Variants in THSD7B observed in about 807,000 individuals in gnomAD.
THSD7B encodes thrombospondin type-1 domain-containing protein 7B.
A neutral mutation model predicts 213.6 loss-of-function variants in THSD7B; 138 were observed. That is an observed-to-expected ratio of 0.65 (90% CI 0.56 to 0.74). THSD7B has a LOEUF of 0.74. THSD7B is among the 30% of genes least tolerant of loss of function. The probability of loss-of-function intolerance (pLI) is 0.00; values close to 1 mark genes in which losing one functional copy is unlikely to be tolerated. For missense variants in THSD7B, 1,931 were observed against 1,991.5 expected (o/e 0.97, Z 0.58); for synonymous variants, 742 against 687.0 (o/e 1.08, Z -1.25).
chr2:137,246,369 G>A (rs183302932), intron 10 of THSD7B, among the ~76,000 whole-genome samples: 5 of 152,196 alleles, frequency 3.3e-5, no homozygotes, highest in Admixed American at 6.5e-5. Context: ...TGATTTAATA[G>A]GTTTGTGATA....
intron 2 of THSD7B, among the ~76,000 whole-genome samples, chr2:136,933,474 G>A (rs1047752074): frequency 6.6e-6 from 1 of 152,146 alleles, no homozygotes; most frequent in Non-Finnish European, 1.5e-5. Flanking sequence ...AGTTACTCAG[G>A]AGCCTTAGGC....
chr2:137,479,893 G>T (rs910675297), intron 15 of THSD7B, among the ~76,000 whole-genome samples: 1 of 152,118 alleles, frequency 6.6e-6, no homozygotes, highest in African/African-American at 2.4e-5. Context: ...TAACAATGCT[G>T]GTGCACAATC....
intron 12 of THSD7B, among the ~76,000 whole-genome samples, chr2:137,404,009 G>C (rs1686437395): frequency 6.6e-6 from 1 of 152,116 alleles, no homozygotes; most frequent in Non-Finnish European, 1.5e-5. Context: ...TATTCTTTGA[G>C]AGTCTATAAT....
At chr2:137,042,135 G>T (rs1686895064) in intron 2 of THSD7B, among the ~76,000 whole-genome samples, 1 of 152,112 alleles carries the variant, frequency 6.6e-6, no homozygotes, top group Non-Finnish European at 1.5e-5. Context: ...TTTATTCCTT[G>T]TGAACATGTG....
rs560463477 is a variant in THSD7B, at chr2:137,132,519, G to GC, written c.1369+17229dup. Among the ~76,000 whole-genome samples the GC allele has an allele frequency of 7.1e-3, 1,078 of 152,152 alleles. 9 individuals are homozygous for GC. Among genetic ancestry groups the GC allele is most frequent in the Non-Finnish European group, 7.7e-3 (521 of 67,988 alleles). On this transcript the variant is annotated intron_variant, in intron 5 of 27. Coordinates refer to ENST00000409968, the MANE Select transcript of THSD7B (RefSeq NM_001316349.2). ...TACATATTATCAATATATTAACTGT[G>GC]CCCAGTATTAAGTGACTGTCTTTTA...
At chr2:137,311,199 TCTC>T (rs368575334) in intron 12 of THSD7B, among the ~76,000 whole-genome samples, 6,946 of 149,348 alleles carry the variant, frequency 0.047, 137 homozygotes, top group East Asian at 0.086. Context: ...GGTTTGTAGT[TCTC>T]CTTGAAGAGG....
intron 17 of THSD7B, among the ~76,000 whole-genome samples, chr2:137,590,650 G>GT (rs1373069674): frequency 1.3e-5 from 2 of 152,092 alleles, no homozygotes; most frequent in African/African-American, 4.8e-5. Context: ...AGTAGCACAG[G>GT]TTTTTTAGTG....
At chr2:137,313,458 C>T (rs1471416200) in intron 12 of THSD7B, among the ~76,000 whole-genome samples, 1 of 151,632 alleles carries the variant, frequency 6.6e-6, no homozygotes. Flanking sequence ...GACTCTTTAT[C>T]CAATTTGCCA....
At chr2:137,389,402 A>ATTTT (rs70978214) in intron 12 of THSD7B, among the ~76,000 whole-genome samples, 4 of 38,076 alleles carry the variant, frequency 1.1e-4, no homozygotes, top group South Asian at 1.8e-3. Flanking sequence ...TCTTAATGTG[A>ATTTT]TTTTTTTTTT....
chr2:136,995,919 G>C (rs2104820015), intron 2 of THSD7B, among the ~76,000 whole-genome samples: 1 of 152,314 alleles, frequency 6.6e-6, no homozygotes, highest in East Asian at 1.9e-4. Flanking sequence ...ATTGAAGTCA[G>C]AGTTAATAAC....
intron 12 of THSD7B, among the ~76,000 whole-genome samples, chr2:137,312,697 G>A (rs1201347992): frequency 2.1e-5 from 3 of 146,132 alleles, no homozygotes; most frequent in African/African-American, 5.0e-5. Flanking sequence ...AGAGATTCTG[G>A]TATGTTGTGT....
intron 2 of THSD7B, among the ~76,000 whole-genome samples, chr2:136,884,946 A>G (rs1683691140): frequency 6.6e-6 from 1 of 152,324 alleles, no homozygotes; most frequent in Non-Finnish European, 1.5e-5. Context: ...TTATATCCCT[A>G]GAAAAATTCT....
chr2:137,578,021 G>A (rs1217275078), intron 17 of THSD7B, among the ~76,000 whole-genome samples: 3 of 152,152 alleles, frequency 2.0e-5, no homozygotes, highest in Non-Finnish European at 4.4e-5. Flanking sequence ...ATGTTATAAA[G>A]GGCAAAATAT....
chr2:137,109,537 TAG>T lies in THSD7B; in HGVS notation c.1200-5585_1200-5584del, dbSNP rs536015839. Among the ~76,000 whole-genome samples the T allele has an allele frequency of 8.3e-4, 126 of 152,324 alleles. 1 individual carries two copies. Among genetic ancestry groups the T allele is most frequent in the Admixed American group, 9.1e-4 (14 of 15,310 alleles). ...AGCGCTGAGCTTGTTTTCCTGCAAC[TAG>T]ACAGTCCCATCTGGGGGTGGTGATG... On this transcript the variant is annotated intron_variant, in intron 4 of 27. Coordinates refer to ENST00000409968, the MANE Select transcript of THSD7B (RefSeq NM_001316349.2).
intron 12 of THSD7B, among the ~76,000 whole-genome samples, chr2:137,312,271 T>C (rs1162522802): frequency 2.6e-5 from 4 of 152,228 alleles, no homozygotes; most frequent in East Asian, 1.9e-4. Flanking sequence ...CCATTTCTTC[T>C]AGATTTTCTA....
chr2:137,304,627 A>G (rs1683700686), intron 12 of THSD7B, among the ~76,000 whole-genome samples: 2 of 152,068 alleles, frequency 1.3e-5, no homozygotes, highest in South Asian at 2.1e-4. Flanking sequence ...ATCCTTTTGC[A>G]GTTTCTTCAC....
chr2:136,766,707 G>C (rs535258659), intron 1 of THSD7B, among the ~76,000 whole-genome samples: 1 of 152,224 alleles, frequency 6.6e-6, no homozygotes, highest in East Asian at 1.9e-4. Context: ...GAGGTATTGC[G>C]ATTCAATACT....
At chr2:137,585,295 C>T (rs930390003) in intron 17 of THSD7B, among the ~76,000 whole-genome samples, 4 of 152,038 alleles carry the variant, frequency 2.6e-5, no homozygotes, top group South Asian at 2.1e-4. Flanking sequence ...AAACCAGCTC[C>T]TGGATTTATT....
At chr2:137,330,010 C>A (rs1684462489) in intron 12 of THSD7B, among the ~76,000 whole-genome samples, 1 of 152,120 alleles carries the variant, frequency 6.6e-6, no homozygotes, top group Non-Finnish European at 1.5e-5. Flanking sequence ...CTAAAAGGGG[C>A]CAACATAAAG....
Sources: gnomAD v4.1 joint callset for allele counts (sites outside exome capture counted in the v4.1 genomes callset) on GRCh38, gnomAD v4.1.1 for gene constraint, MANE v1.5 for transcripts, NCBI Gene and HGNC (gene_info 2026-07-23, HGNC 2026-07-21) for gene names.